The following BARD1 variants were observed in gnomAD, a reference collection of about 807,000 sequenced individuals.
BARD1 encodes BRCA1 associated RING domain 1.
Under a neutral mutation model 77.0 loss-of-function variants are expected in BARD1, and 73 were observed. That is an observed-to-expected ratio of 0.95 (90% CI 0.79 to 1.15). The LOEUF (loss-of-function observed/expected upper bound fraction) is 1.15. BARD1 is among the 50% of genes most tolerant of loss of function. The pLI is 0.00. For synonymous variants in BARD1, 384 were observed against 338.0 expected (o/e 1.14, Z -1.49); for missense variants, 993 against 938.8 (o/e 1.06, Z -0.75).
At chr2:214,761,319 T>C (rs1399603747) in intron 6 of BARD1, among the ~76,000 whole-genome samples, 2 of 152,014 alleles carry the variant, frequency 1.3e-5, no homozygotes, top group Non-Finnish European at 2.9e-5. Context: ...TGATTACTTT[T>C]TAGAAACTAT....
chr2:214,792,394 C>T lies in BARD1; in HGVS notation c.267G>A (p.Pro89=), dbSNP rs756165637. Reference sequence around the variant, plus strand: ...TTATCTTCAAGTCTTGTATCCAGGCCGGGGTGTAACACACTGGACATCCAG... The same window carrying T: ...TTATCTTCAAGTCTTGTATCCAGGCTGGGGTGTAACACACTGGACATCCAG... ...IGTGCPVCYT[P]AWIQDLKINR... The change falls in exon 3 of 11, where the codon CCG becomes CCA. Residue 89 remains proline, a synonymous_variant. Transcript: ENST00000260947. The T allele has an allele frequency of 1.2e-5, 19 of 1,611,048 alleles. No homozygotes were observed. The highest frequency in any genetic ancestry group is 5.0e-5 in the Admixed American group (3 of 59,712).
At position 214,730,427 on chromosome 2, in the gene BARD1, A is replaced by C. The variant is rs556775078; in HGVS notation, c.1985T>G (p.Leu662Arg). The C allele has an allele frequency of 8.1e-6, 13 of 1,613,716 alleles. No individual in the cohort carries two copies. In the African/African-American group the frequency reaches 1.5e-4, roughly 18 times the overall value. ...EIPEGPRRSR[L>R]NREQLLPKLF... is the part of the protein sequence containing the mutation. ...GAAAAATACCAGCTGTTCTCTGTTG[A>C]GCCTGCTTCTGCGTGGACCTTCAGG... is the stretch of plus-strand genomic sequence containing the variant. The change falls in exon 10 of 11, where the codon CTC becomes CGC. Residue 662 changes from leucine to arginine, a missense_variant. Transcript: ENST00000260947.
chr2:214,739,043 G>A (rs1280565469), intron 9 of BARD1, among the ~76,000 whole-genome samples: 1 of 152,082 alleles, frequency 6.6e-6, no homozygotes, highest in African/African-American at 2.4e-5. Context: ...CAGCTACTCA[G>A]GAGGCTGAAG....
At chr2:214,785,379 AT>A (rs1695225013) in intron 3 of BARD1, among the ~76,000 whole-genome samples, 1 of 151,964 alleles carries the variant, frequency 6.6e-6, no homozygotes. Context: ...AGAAAAAAAA[AT>A]TGCCTTAAAA....
At chr2:214,755,313 T>C (rs1693644669) in intron 6 of BARD1, among the ~76,000 whole-genome samples, 1 of 152,196 alleles carries the variant, frequency 6.6e-6, no homozygotes, top group African/African-American at 2.4e-5. Flanking sequence ...ATAACTTGAT[T>C]TGATATTTAT....
intron 7 of BARD1, among the ~76,000 whole-genome samples, chr2:214,750,219 C>A (rs1235402889): frequency 1.3e-5 from 2 of 152,092 alleles, no homozygotes; most frequent in African/African-American, 2.4e-5. Context: ...AATTCCAGTC[C>A]TCAGCATTTC....
chr2:214,768,729 T>C (rs566330533), intron 5 of BARD1, among the ~76,000 whole-genome samples: 1 of 152,346 alleles, frequency 6.6e-6, no homozygotes, highest in African/African-American at 2.4e-5. Context: ...CACACTTTTT[T>C]AGTAATAATA....
At chr2:214,762,686 C>T (rs1041781359) in intron 6 of BARD1, among the ~76,000 whole-genome samples, 1 of 152,112 alleles carries the variant, frequency 6.6e-6, no homozygotes, top group Non-Finnish European at 1.5e-5. Flanking sequence ...GTTTATCAAT[C>T]GACTTGATAG....
chr2:214,809,310 G>A (rs1696442643), intron 1 of BARD1, 102 bp downstream of exon 1: 5 of 1,518,424 alleles, frequency 3.3e-6, no homozygotes, highest in Admixed American at 1.9e-5. Flanking sequence ...ACTGCAGCGC[G>A]GGAACGGAAG....
chr2:214,747,299 G>A (rs1462613485), intron 7 of BARD1, among the ~76,000 whole-genome samples: 6 of 150,668 alleles, frequency 4.0e-5, no homozygotes, highest in East Asian at 2.0e-4. Flanking sequence ...TCAGTGTGGC[G>A]ATTCCTCAGG....
At chr2:214,778,526 T>C (rs1694835236) in intron 4 of BARD1, among the ~76,000 whole-genome samples, 1 of 152,200 alleles carries the variant, frequency 6.6e-6, no homozygotes, top group African/African-American at 2.4e-5. Context: ...AACGTATTAA[T>C]AGAGAAAATT....
At chr2:214,800,955 TA>T (rs2042684773) in intron 1 of BARD1, among the ~76,000 whole-genome samples, 1 of 151,976 alleles carries the variant, frequency 6.6e-6, no homozygotes. Context: ...GTTAGGAAGT[TA>T]ATAACATCTA....
At chr2:214,765,445 G>A (rs1415614533) in intron 6 of BARD1, among the ~76,000 whole-genome samples, 2 of 152,142 alleles carry the variant, frequency 1.3e-5, no homozygotes, top group Admixed American at 6.5e-5. Context: ...AATGCAGCAG[G>A]CATCACCCAT....
intron 1 of BARD1, among the ~76,000 whole-genome samples, chr2:214,803,291 GCCCGAC>G (rs1340836981): frequency 1.3e-5 from 2 of 152,042 alleles, no homozygotes; most frequent in Non-Finnish European, 2.9e-5. Flanking sequence ...CCGTCCCCCA[GCCCGAC>G]ACCCGTAAAG....
At chr2:214,808,778 G>A (rs1041256368) in intron 1 of BARD1, among the ~76,000 whole-genome samples, 1 of 152,236 alleles carries the variant, frequency 6.6e-6, no homozygotes, top group African/African-American at 2.4e-5. Context: ...CAGCATGAAG[G>A]AAAACAATAA....
rs112163588 is a variant in BARD1, at chr2:214,779,296, G to A, written c.1314+1264C>T. Among the ~76,000 whole-genome samples, 597 of 152,228 alleles carry A rather than the reference G, an allele frequency of 3.9e-3. 3 individuals carry two copies. Among genetic ancestry groups the A allele is most frequent in the African/African-American group, 0.013 (556 of 41,536 alleles). ...ATGATGTATTTGCAAATAACCTACA[G>A]AGATCCTCCAGTATACTTTAAATCA... On this transcript the variant is annotated intron_variant, in intron 4 of 10. Transcript: ENST00000260947.
chr2:214,802,571 C>G (rs1696074253), intron 1 of BARD1, among the ~76,000 whole-genome samples: 1 of 151,904 alleles, frequency 6.6e-6, no homozygotes, highest in Admixed American at 6.6e-5. Context: ...TCTTAACTTT[C>G]ATTTTTTCTG....
intron 1 of BARD1, among the ~76,000 whole-genome samples, chr2:214,805,226 C>T (rs1487524899): frequency 6.6e-6 from 1 of 152,196 alleles, no homozygotes; most frequent in East Asian, 1.9e-4. Flanking sequence ...ACTGGCCCTA[C>T]CCAAGTACTC....
intron 3 of BARD1, among the ~76,000 whole-genome samples, chr2:214,783,545 C>T (rs1695136549): frequency 6.6e-6 from 1 of 152,070 alleles, no homozygotes; most frequent in Non-Finnish European, 1.5e-5. Context: ...GAGAACATCA[C>T]ACACCAGGGC....
Sources: allele counts gnomAD v4.1 joint callset (sites outside exome capture counted in the v4.1 genomes callset), GRCh38; gene constraint gnomAD v4.1.1; transcripts MANE v1.5; gene names NCBI Gene and HGNC (gene_info 2026-07-23, HGNC 2026-07-21).